Variants in LRRC53 observed in about 807,000 individuals in gnomAD.
LRRC53 encodes the protein leucine rich repeat containing 53, also known as leucine-rich repeat-containing protein 53.
A neutral mutation model predicts 13.6 loss-of-function variants in LRRC53; 25 were observed. That is an observed-to-expected ratio of 1.83 (90% CI 1.34 to 2.56). LRRC53 has a LOEUF of 2.56. Among genes scored for constraint, LRRC53 ranks in the 30% most tolerant of loss-of-function variants. The pLI is 0.00. For synonymous variants in LRRC53, 204 were observed against 109.8 expected, an observed-to-expected ratio of 1.86 and a Z score of -5.37; for missense variants, 527 against 275.8, an observed-to-expected ratio of 1.91 and a Z score of -6.45.
At chr1:74,491,891 G>C (rs112011821) in intron 1 of LRRC53, among the ~76,000 whole-genome samples, 1 of 152,158 alleles carries the variant, frequency 6.6e-6, no homozygotes, top group Admixed American at 6.5e-5. Flanking sequence ...CCAGCTCTCA[G>C]CACAGAACTG....
chr1:74,505,164 C>G (rs572409992), intron 1 of LRRC53, among the ~76,000 whole-genome samples: 63 of 152,240 alleles, frequency 4.1e-4, no homozygotes, highest in African/African-American at 1.4e-3. Context: ...TTGGCAGTTG[C>G]GTGTGTGTAC....
At chr1:74,525,333 A>T in the LRRC53 span, among the ~76,000 whole-genome samples, 22 of 152,214 alleles carry the variant, frequency 1.4e-4, no homozygotes, top group Admixed American at 2.6e-4. Flanking sequence ...TGTGATAAGT[A>T]TTGTTATTGT....
the LRRC53 span, among the ~76,000 whole-genome samples, chr1:74,522,163 A>T: frequency 6.6e-6 from 1 of 152,190 alleles, no homozygotes; most frequent in Non-Finnish European, 1.5e-5. Flanking sequence ...TTAATATAGC[A>T]GGTGAAGCAT....
chr1:74,483,530 T>C (rs1258177610), intron 1 of LRRC53, among the ~76,000 whole-genome samples, 155 bp from the exon 2 acceptor site: 2 of 152,212 alleles, frequency 1.3e-5, no homozygotes, highest in Admixed American at 6.5e-5. Context: ...CTACATTCCT[T>C]AATTTGCATA....
chr1:74,520,771 G>A, the LRRC53 span, among the ~76,000 whole-genome samples: 1 of 152,130 alleles, frequency 6.6e-6, no homozygotes, highest in African/African-American at 2.4e-5. Flanking sequence ...AAAGAAAACA[G>A]TCCCCTTTGA....
rs900056623 is a variant in LRRC53, at chr1:74,470,341, G to A, written c.3281C>T (p.Ser1094Phe). ...KNMLDESKTD[S>F]SMLTQISQMT... ...TTGTGAGATCTGAGTTAACATACTA[G>A]AATCTGTCTTGCTTTCATCAAGCAT... Residue 1094 changes from serine (S) to phenylalanine (F), a missense_variant, in exon 5 of 5, where the codon TCT becomes TTT. Transcript: ENST00000294635. 5.0e-6 allele frequency: 2 copies of A among 400,578 alleles called. No individual in the cohort carries two copies. The highest frequency in any genetic ancestry group is 8.8e-6 in the Non-Finnish European group (2 of 226,138). The allele number at this position is 400,578 out of a possible 1,614,324, so 24.8% of individuals were successfully genotyped here. A position where few individuals can be genotyped will look rare whatever the true frequency, so the allele number is the denominator to read the frequency against.
intron 1 of LRRC53, among the ~76,000 whole-genome samples, chr1:74,492,733 AT>A (rs1669141922): frequency 1.3e-5 from 2 of 152,258 alleles, no homozygotes; most frequent in African/African-American, 4.8e-5. Context: ...TTATAGAGCA[AT>A]ATTTATAATA....
chr1:74,489,284 A>G (rs755870787), intron 1 of LRRC53: 9 of 1,596,450 alleles, frequency 5.6e-6, no homozygotes, highest in Admixed American at 3.5e-5. Context: ...GTCCATAAAA[A>G]AGCCCTGCAT....
Position 74,469,410 on chromosome 1 carries a change from T to C in LRRC53, c.*468A>G, listed in dbSNP as rs563604867. On this transcript the variant is annotated 3_prime_UTR_variant, in exon 5 of 5. Transcript: ENST00000294635. ...CAAAGCTGAATTTTTATTTTCATACTATAATTAGGAAAACAGATCAAACAC... is the reference window on the plus strand; with the variant it reads ...CAAAGCTGAATTTTTATTTTCATACCATAATTAGGAAAACAGATCAAACAC... 2.0e-5 allele frequency: 3 copies of C among 152,904 alleles called. No individual in the cohort carries two copies. Among genetic ancestry groups the C allele is most frequent in the East Asian group, 1.9e-4 (1 of 5,186 alleles). The allele number at this position is 152,904 out of a possible 1,614,324, so 9.5% of individuals were successfully genotyped here. A position where few individuals can be genotyped will look rare whatever the true frequency, so the allele number is the denominator to read the frequency against.
chr1:74,506,473 C>T (rs952787), intron 1 of LRRC53, among the ~76,000 whole-genome samples: 7,083 of 152,252 alleles, frequency 0.047, 450 homozygotes, highest in East Asian at 0.15. Flanking sequence ...TAGTGTGAGA[C>T]AAGAGAGCTG....
chr1:74,532,071 G>C, the LRRC53 span, among the ~76,000 whole-genome samples: 1 of 152,174 alleles, frequency 6.6e-6, no homozygotes, highest in Non-Finnish European at 1.5e-5. Context: ...ATGGTTTTCT[G>C]CTCAACATAG....
chr1:74,483,400 T>C, intron 1 of LRRC53, 25 bp from the exon 2 acceptor site: 2 of 714,940 alleles, frequency 2.8e-6, no homozygotes, highest in South Asian at 1.5e-5. Context: ...GAGGGCAATG[T>C]ATATCATAAT....
rs756845865 is a variant in LRRC53, at chr1:74,472,170, A to G, written c.1452T>C (p.Tyr484=). ...CTGCCAAGGCTGAAGCGGGTGTTGC[A>G]TATCTTCTTCTAAATATGTCACTGC... ...DISSDIFRRR[Y]ATPASALAGE... Residue 484 remains tyrosine, a synonymous_variant, in exon 5 of 5, where the codon TAT becomes TAC. Coordinates refer to ENST00000294635, the MANE Select transcript of LRRC53 (RefSeq NM_001382280.1). 1.4e-6 allele frequency: 1 copy of G among 717,026 alleles called. No homozygotes were observed. Among genetic ancestry groups the G allele is most frequent in the South Asian group, 1.5e-5 (1 of 67,584 alleles). 44.4% of individuals were successfully genotyped at this position (717,026 alleles called of 1,614,324 possible).
chr1:74,481,306 G>T (rs1281776795), intron 2 of LRRC53, among the ~76,000 whole-genome samples: 1 of 152,112 alleles, frequency 6.6e-6, no homozygotes, highest in Non-Finnish European at 1.5e-5. Context: ...TCCCTCCGAG[G>T]CTATGTACTG....
rs199674824 is a variant in LRRC53, at chr1:74,505,553, G to GT, written c.-27+6972dup. The stretch of plus-strand genomic sequence containing the variant: ...TAACAGGTTTAATTCCTCATGGATT[G>GT]TTTTTTCTTTTTTTCACCTTTAACA... On this transcript the variant is annotated intron_variant, in intron 1 of 4. Coordinates refer to ENST00000294635, the MANE Select transcript of LRRC53 (RefSeq NM_001382280.1). Among the ~76,000 whole-genome samples the GT allele has an allele frequency of 9.2e-5, 14 of 151,482 alleles. No individual in the cohort carries two copies. The East Asian group carries it at 1.9e-3, about 21-fold the overall frequency.
At chr1:74,507,350 G>T (rs780664151) in intron 1 of LRRC53, among the ~76,000 whole-genome samples, 13 of 151,602 alleles carry the variant, frequency 8.6e-5, no homozygotes, top group Non-Finnish European at 1.9e-4. Flanking sequence ...CATGTTTGCT[G>T]TTACTATATT....
the LRRC53 span, among the ~76,000 whole-genome samples, chr1:74,535,416 G>A: frequency 0.011 from 1,684 of 152,254 alleles, 40 homozygotes; most frequent in African/African-American, 0.039. Context: ...ATTGCAGTGA[G>A]CCGAGATTGC....
At chr1:74,478,863 G>A (rs1045717042) in intron 3 of LRRC53, among the ~76,000 whole-genome samples, 8 of 152,048 alleles carry the variant, frequency 5.3e-5, no homozygotes, top group African/African-American at 1.9e-4. Flanking sequence ...GTCTTTTATG[G>A]TAAATTATTT....
At chr1:74,483,397 A>C (rs1162533948) in intron 1 of LRRC53, 22 bp from the exon 2 acceptor site, 1 of 715,590 alleles carries the variant, frequency 1.4e-6, no homozygotes, top group Admixed American at 2.0e-5. Context: ...GTAGAGGGCA[A>C]TGTATATCAT....
Sources: gnomAD v4.1 joint callset for allele counts (sites outside exome capture counted in the v4.1 genomes callset) on GRCh38, gnomAD v4.1.1 for gene constraint, MANE v1.5 for transcripts, NCBI Gene and HGNC (gene_info 2026-07-23, HGNC 2026-07-21) for gene names.